Variants in MED1 observed in about 807,000 individuals in gnomAD.
The protein encoded by MED1 is mediator of RNA polymerase II transcription subunit 1.
In MED1, 17 loss-of-function variants were observed where a neutral mutation model predicts 121.3. The observed-to-expected ratio is 0.14, with a 90% CI of 0.10 to 0.21. MED1 has a LOEUF of 0.21. MED1 is among the 10% of genes least tolerant of loss of function. The pLI is 1.00. For synonymous variants in MED1, 661 were observed against 694.4 expected (o/e 0.95, Z 0.76); for missense variants, 1,558 against 1,919.4 (o/e 0.81, Z 3.52).
intron 16 of MED1, among the ~76,000 whole-genome samples, chr17:39,413,912 TAAAAAAAAAA>T (rs66489961): frequency 1.4e-5 from 1 of 69,852 alleles, no homozygotes; most frequent in African/African-American, 5.6e-5. Context: ...GTAATATCAT[TAAAAAAAAAA>T]AAAAAAAAAA....
In MED1 at chr17:39,409,433, C is replaced by T. The variant is rs370102828; in HGVS notation, c.2788G>A (p.Asp930Asn). The T allele has an allele frequency of 6.2e-6, 10 of 1,614,046 alleles. No individual in the cohort carries two copies. Among genetic ancestry groups the T allele is most frequent in the Non-Finnish European group, 8.5e-6 (10 of 1,180,054 alleles). Residue 930 changes from aspartate (D) to asparagine (N), a missense_variant, in exon 17 of 17, where the codon GAT becomes AAT. Coordinates refer to ENST00000300651, the MANE Select transcript of MED1 (RefSeq NM_004774.4). ...FKGNNQADTV[D>N]FSIISVAGKA... is the part of the protein sequence containing the mutation. Reference sequence around the variant, plus strand: ...CCGGCTACTGAAATAATACTGAAATCAACTGTGTCGGCTTGGTTATTGCCC... The same window carrying T: ...CCGGCTACTGAAATAATACTGAAATTAACTGTGTCGGCTTGGTTATTGCCC...
intron 16 of MED1, among the ~76,000 whole-genome samples, chr17:39,411,189 C>A (rs1487212942): frequency 6.6e-6 from 1 of 151,928 alleles, no homozygotes; most frequent in African/African-American, 2.4e-5. Flanking sequence ...CGTGGTGGCG[C>A]GTGCCTGTAA....
intron 6 of MED1, 75 bp from the exon 7 acceptor site, chr17:39,434,395 T>C: frequency 1.3e-6 from 1 of 759,912 alleles, no homozygotes; most frequent in South Asian, 1.9e-5. Flanking sequence ...TACAACAAAG[T>C]GCCAAAAATC....
intron 13 of MED1, among the ~76,000 whole-genome samples, chr17:39,422,387 A>C (rs947416879): frequency 6.9e-6 from 1 of 144,680 alleles, no homozygotes; most frequent in Non-Finnish European, 1.5e-5. Context: ...GATGCTCTCG[A>C]TCTCTTGACC....
intron 14 of MED1, among the ~76,000 whole-genome samples, chr17:39,417,096 C>A (rs963277308): frequency 1.3e-5 from 2 of 150,854 alleles, no homozygotes; most frequent in African/African-American, 4.9e-5. Context: ...TTTGGGAGGC[C>A]GAGGCAGGCA....
rs970452653 is a variant in MED1, at chr17:39,404,440, T to A, written c.*3035A>T. 6.6e-6 allele frequency: 1 copy of A among 152,196 alleles called. No homozygotes were observed. The highest frequency in any genetic ancestry group is 6.6e-5 in the Admixed American group (1 of 15,256). 9.4% of individuals were successfully genotyped at this position (152,196 alleles called of 1,614,324 possible). On this transcript the variant is annotated 3_prime_UTR_variant, in exon 17 of 17. Transcript: ENST00000300651. ...GGCCATATGCACAGAAAACCAAATT[T>A]GAAAGATTTTTTTAAAAAAAGACCC...
chr17:39,418,818 C>A (rs797015860), intron 14 of MED1, among the ~76,000 whole-genome samples: 2 of 145,974 alleles, frequency 1.4e-5, no homozygotes, highest in South Asian at 4.3e-4. Context: ...GAGGGAGTCT[C>A]ATTCTGTCAC....
intron 6 of MED1, among the ~76,000 whole-genome samples, chr17:39,436,232 G>A (rs1431429966): frequency 2.6e-5 from 4 of 151,734 alleles, no homozygotes; most frequent in Non-Finnish European, 4.4e-5. Flanking sequence ...ATGGTGGCAG[G>A]TGCCTGTAGT....
rs2048310365 is a variant in MED1, at chr17:39,407,206, A to AC, written c.*268dup. ...CCTTCCCTCTCCCTACACCCCTCCC[A>AC]CCCCCCTCCCTTTCTTAAGCAAGTA... On this transcript the variant is annotated 3_prime_UTR_variant, in exon 17 of 17. Coordinates refer to ENST00000300651, the MANE Select transcript of MED1 (RefSeq NM_004774.4). 9.1e-6 allele frequency: 1 copy of AC among 109,536 alleles called. No individual in the cohort carries two copies. Among genetic ancestry groups the AC allele is most frequent in the South Asian group, 4.1e-4 (1 of 2,418 alleles). 6.8% of individuals were successfully genotyped at this position (109,536 alleles called of 1,614,324 possible).
At chr17:39,427,911 T>C (rs1386636742) in intron 9 of MED1, 121 bp from the exon 10 acceptor site, 3 of 638,072 alleles carry the variant, frequency 4.7e-6, no homozygotes, top group African/African-American at 3.7e-5. Flanking sequence ...TGAAGAGTCA[T>C]GCTCCAAAAC....
intron 9 of MED1, among the ~76,000 whole-genome samples, chr17:39,430,649 C>T (rs1226250573): frequency 9.5e-5 from 14 of 147,014 alleles, no homozygotes; most frequent in African/African-American, 3.0e-4. Context: ...GCTGAGATCG[C>T]GCCACTGTAC....
rs1014425391 is a variant in MED1 at position 39,440,105 on chromosome 17, A to G, written c.399+281T>C. Among the ~76,000 whole-genome samples, 1 of 151,692 alleles carries G rather than the reference A, an allele frequency of 6.6e-6. No homozygotes were observed. Among genetic ancestry groups the G allele is most frequent in the African/African-American group, 2.4e-5 (1 of 41,272 alleles). ...GCAAGCAAGCAAGAAAGAAAGAAAGAAAAAAGAAAGAAAAGAAAGAAAGGA... is the reference window on the plus strand; with the variant it reads ...GCAAGCAAGCAAGAAAGAAAGAAAGGAAAAAGAAAGAAAAGAAAGAAAGGA... On this transcript the variant is annotated intron_variant, in intron 5 of 16. Coordinates refer to ENST00000300651, the MANE Select transcript of MED1 (RefSeq NM_004774.4). This position sits in a 1 kb window ranked among gnomAD's most constrained non-coding sequence, Gnocchi z 4.1.
rs1157144218 is a variant in MED1 at position 39,427,695 on chromosome 17, T to G, written c.739+6A>C. 2 of 1,572,800 alleles carry G rather than the reference T, an allele frequency of 1.3e-6. No homozygotes were observed. The highest frequency in any genetic ancestry group is 1.7e-6 in the Non-Finnish European group (2 of 1,145,110). On this transcript the variant is annotated splice_donor_region_variant and intron_variant, in intron 10 of 16. Transcript: ENST00000300651. ...ACCTTTAATTCCTTTACAATTAAAG[T>G]CTTACCATTATTCTCATGCAAAATG...
At position 39,413,912 on chromosome 17, in the gene MED1, T is replaced by TAAAAA. The variant is rs66489961; in HGVS notation, c.1499+1109_1499+1113dup. On this transcript the variant is annotated intron_variant, in intron 16 of 16. Coordinates refer to ENST00000300651, the MANE Select transcript of MED1 (RefSeq NM_004774.4). ...CCCATTACTCTCATAGTAATATCATTAAAAAAAAAAAAAAAAAAAAAAAAA... is the reference window on the plus strand; with the variant it reads ...CCCATTACTCTCATAGTAATATCATTAAAAAAAAAAAAAAAAAAAAAAAAAAAAAA... 1.6e-3 allele frequency among the ~76,000 whole-genome samples: 115 copies of TAAAAA among 69,850 alleles called. 1 individual carries two copies. The highest frequency in any genetic ancestry group is 2.7e-3 in the East Asian group (6 of 2,264). The allele number at this position is 69,850 out of a possible 152,430, so 45.8% of individuals were successfully genotyped here.
chr17:39,439,128 C>A (rs2048648022), intron 6 of MED1, 37 bp downstream of exon 6: 1 of 1,577,510 alleles, frequency 6.3e-7, no homozygotes, highest in South Asian at 1.2e-5. Context: ...ACAGCACTGT[C>A]TGTCAATATC....
At position 39,419,908 on chromosome 17, in the gene MED1, C is replaced by T. The variant is rs1228429882; in HGVS notation, c.1106G>A (p.Gly369Asp). The T allele has an allele frequency of 6.2e-7, 1 of 1,613,806 alleles. No individual in the cohort carries two copies. The highest frequency in any genetic ancestry group is 8.5e-7 in the Non-Finnish European group (1 of 1,179,822). ...HNMRFYAALP[G>D]QQHCYFLNKD... ...GTTGAGGAAATAGCAGTGCTGCTGACCAGGAAGAGCCTGGGCAAAAAGAAC... is the reference window on the plus strand; with the variant it reads ...GTTGAGGAAATAGCAGTGCTGCTGATCAGGAAGAGCCTGGGCAAAAAGAAC... Residue 369 changes from glycine (G) to aspartate (D), a missense_variant, in exon 14 of 17, where the codon GGT becomes GAT. Transcript: ENST00000300651.
In MED1 at chr17:39,406,058, C is replaced by A. The variant is rs1421177370; in HGVS notation, c.*1417G>T. 3.0e-6 allele frequency: 3 copies of A among 985,400 alleles called. No homozygotes were observed. Among genetic ancestry groups the A allele is most frequent in the Non-Finnish European group, 3.6e-6 (3 of 829,942 alleles). 61.0% of individuals were successfully genotyped at this position (985,400 alleles called of 1,614,324 possible). A position where few individuals can be genotyped will look rare whatever the true frequency, so the allele number is the denominator to read the frequency against. On this transcript the variant is annotated 3_prime_UTR_variant, in exon 17 of 17. Transcript: ENST00000300651. ...AATTTTTGAGAGGACCCTCCAAATA[C>A]TGAGAACTTCTGTTGCACTCGAAAC...
intron 9 of MED1, among the ~76,000 whole-genome samples, chr17:39,430,817 G>A (rs1037277046): frequency 6.6e-6 from 1 of 151,972 alleles, no homozygotes; most frequent in Non-Finnish European, 1.5e-5. Flanking sequence ...GAGGAGTTCA[G>A]GACCAGCCTG....
At chr17:39,428,666 C>A (rs1012981557) in intron 9 of MED1, among the ~76,000 whole-genome samples, 1 of 150,650 alleles carries the variant, frequency 6.6e-6, no homozygotes, top group Non-Finnish European at 1.5e-5. Flanking sequence ...AGAAATATGA[C>A]AGGCGCTTGG....
Sources: allele counts gnomAD v4.1 joint callset (sites outside exome capture counted in the v4.1 genomes callset), GRCh38; gene constraint gnomAD v4.1.1; non-coding constraint Gnocchi (gnomAD v3.1); transcripts MANE v1.5; gene names NCBI Gene and HGNC (gene_info 2026-07-23, HGNC 2026-07-21).